Variants in SPAG17 observed in about 807,000 individuals in gnomAD.
SPAG17 encodes sperm associated antigen 17, also known as sperm-associated antigen 17.
A neutral mutation model predicts 273.6 loss-of-function variants in SPAG17; 169 were observed. The observed-to-expected ratio is 0.62, with a 90% CI of 0.55 to 0.70. SPAG17 has a LOEUF of 0.70. SPAG17 is among the 30% of genes least tolerant of loss of function. The pLI is 0.00. For synonymous variants in SPAG17, 825 were observed against 873.2 expected (o/e 0.94, Z 0.97); for missense variants, 2,557 against 2,627.8 (o/e 0.97, Z 0.59).
intron 3 of SPAG17, among the ~76,000 whole-genome samples, chr1:118,123,843 G>C (rs1427041666): frequency 6.6e-6 from 1 of 152,162 alleles, no homozygotes. Context: ...GGGGCTGTAA[G>C]GAAGTTTCAG....
At position 118,036,794 on chromosome 1, in the gene SPAG17, A is replaced by G. The variant is rs560899535; in HGVS notation, c.3409T>C (p.Tyr1137His). Residue 1137 changes from tyrosine (Y) to histidine (H), a missense_variant, in exon 24 of 49, where the codon TAT becomes CAT. Coordinates refer to ENST00000336338, the MANE Select transcript of SPAG17 (RefSeq NM_206996.4). The stretch of plus-strand genomic sequence containing the variant: ...CCTGGTGCCATTCCATTTGATCCAT[A>G]GTAACTTATCGAGAGGCAGATTCCA... ...ENGICLSISY[Y>H]GSNGMAPEDK... The G allele has an allele frequency of 6.4e-7, 1 of 1,556,158 alleles. No individual in the cohort carries two copies.
rs376616445 is a variant in SPAG17 at position 118,099,799 on chromosome 1, G to A, written c.636C>T (p.Asp212=). 53 of 1,611,338 alleles carry A rather than the reference G, an allele frequency of 3.3e-5. No homozygotes were observed. The highest frequency in any genetic ancestry group is 1.1e-4 in the South Asian group (10 of 90,948). Residue 212 remains aspartate (D), a splice_region_variant and synonymous_variant, in exon 6 of 49, where the codon GAC becomes GAT. Coordinates refer to ENST00000336338, the MANE Select transcript of SPAG17 (RefSeq NM_206996.4). ...GEDDHTNRYI[D]DEPDDGAQHY... is the part of the protein sequence containing the mutation. Reference sequence around the variant, plus strand: ...GTTGGGCACCATCATCTGGCTCATCGTCTGTTCAAAATACCATAAAGAAGA... The same window carrying A: ...GTTGGGCACCATCATCTGGCTCATCATCTGTTCAAAATACCATAAAGAAGA...
chr1:118,125,195 T>C (rs115159272), intron 3 of SPAG17, among the ~76,000 whole-genome samples: 3 of 151,378 alleles, frequency 2.0e-5, no homozygotes, highest in Non-Finnish European at 4.4e-5. Flanking sequence ...CACATATCAA[T>C]TTTTTAAAAA....
intron 7 of SPAG17, 63 bp downstream of exon 7, chr1:118,097,607 G>A (rs1199340183): frequency 7.6e-7 from 1 of 1,320,180 alleles, no homozygotes; most frequent in African/African-American, 1.5e-5. Context: ...TGAATAAATG[G>A]AGCAAATAGA....
chr1:117,972,389 A>G lies in SPAG17; in HGVS notation c.6142-342T>C, dbSNP rs572423633. Reference sequence around the variant, plus strand: ...AGCTTCCATCAGAATCTCCTGGAGGACTCATAAATACACAGATTGCTGACT... The same window carrying G: ...AGCTTCCATCAGAATCTCCTGGAGGGCTCATAAATACACAGATTGCTGACT... On this transcript the variant is annotated intron_variant, in intron 44 of 48. Coordinates refer to ENST00000336338, the MANE Select transcript of SPAG17 (RefSeq NM_206996.4). Among the ~76,000 whole-genome samples the G allele has an allele frequency of 2.6e-5, 4 of 152,306 alleles. No individual in the cohort carries two copies. In the East Asian group the frequency reaches 7.7e-4, roughly 29 times the overall value.
At chr1:118,106,107 A>C (rs1656380506) in intron 4 of SPAG17, among the ~76,000 whole-genome samples, 1 of 152,198 alleles carries the variant, frequency 6.6e-6, no homozygotes, top group African/African-American at 2.4e-5. Context: ...GTCTACAGGG[A>C]GAAAACTTTC....
intron 25 of SPAG17, 53 bp downstream of exon 25, chr1:118,031,639 G>A: frequency 6.3e-7 from 1 of 1,577,654 alleles, no homozygotes; most frequent in Non-Finnish European, 8.7e-7. Context: ...TTTTAAAAAA[G>A]TTAACACTGA....
Position 118,008,213 on chromosome 1 carries a change from A to T in SPAG17, c.4433-15T>A. 6.2e-7 allele frequency: 1 copy of T among 1,613,138 alleles called. No individual in the cohort carries two copies. Among genetic ancestry groups the T allele is most frequent in the Non-Finnish European group, 8.5e-7 (1 of 1,179,712 alleles). ...AGGACCCTCGGCTACAAGCAAATGC[A>T]AGGTAAGCAGATCTGATAGGATGTA... On this transcript the variant is annotated splice_polypyrimidine_tract_variant and intron_variant, in intron 30 of 48. Coordinates refer to ENST00000336338, the MANE Select transcript of SPAG17 (RefSeq NM_206996.4).
chr1:118,110,585 A>T (rs1656699826), intron 4 of SPAG17, among the ~76,000 whole-genome samples: 1 of 152,190 alleles, frequency 6.6e-6, no homozygotes, highest in Admixed American at 6.5e-5. Context: ...CGTGGGGGGC[A>T]GGACTGGAAA....
In SPAG17 at chr1:118,023,414, A is replaced by G. The variant is rs922394054; in HGVS notation, c.3959T>C (p.Ile1320Thr). 9.3e-6 allele frequency: 15 copies of G among 1,612,028 alleles called. No individual in the cohort carries two copies. Among genetic ancestry groups the G allele is most frequent in the Non-Finnish European group, 1.2e-5 (14 of 1,178,620 alleles). ...TGCTGGCATTTCAGAAGGAGGACAA[A>G]TAAGACCTGAATTGGGACTCCTGCT... ...AVSRSPNSGL[I>T]CPPSEMPATP... The change falls in exon 28 of 49, where the codon ATT (isoleucine) becomes ACT (threonine). Residue 1320 changes from isoleucine to threonine, a missense_variant. By Grantham distance (89) the Ile-to-Thr change is moderately conservative. Coordinates refer to ENST00000336338, the MANE Select transcript of SPAG17 (RefSeq NM_206996.4).
At chr1:118,006,147 G>A (rs1034590185) in intron 31 of SPAG17, among the ~76,000 whole-genome samples, 1 of 152,194 alleles carries the variant, frequency 6.6e-6, no homozygotes, top group African/African-American at 2.4e-5. Context: ...CTTTAAAAGT[G>A]TATAATTCCG....
intron 3 of SPAG17, among the ~76,000 whole-genome samples, chr1:118,143,677 G>C (rs892138566): frequency 1.3e-5 from 2 of 152,176 alleles, no homozygotes; most frequent in African/African-American, 4.8e-5. Context: ...ATTTTTCACA[G>C]TTTTAAATAC....
At chr1:118,099,857 C>T (rs1655950561) in intron 5 of SPAG17, 57 bp from the exon 6 acceptor site, 3 of 1,511,576 alleles carry the variant, frequency 2.0e-6, no homozygotes, top group Non-Finnish European at 2.7e-6. Context: ...GCAGGTTGCA[C>T]TCAGCCAGTT....
At chr1:117,985,514 A>G (rs187688157) in intron 40 of SPAG17, among the ~76,000 whole-genome samples, 7 of 152,204 alleles carry the variant, frequency 4.6e-5, no homozygotes, top group Non-Finnish European at 8.8e-5. Context: ...ATGATGTACT[A>G]AGAATGATGG....
rs1439519908 is a variant in SPAG17 at position 118,015,973 on chromosome 1, T to C, written c.4279A>G (p.Asn1427Asp). ...ACAATAGTTTGTCATACCGTTCCAT[T>C]GACAGGATCTGTGGCCTGAAAGGAT... is the stretch of plus-strand genomic sequence containing the variant. Reference protein sequence around the residue: ...LLSFQATDPVNGTVMTTREDK... With the variant: ...LLSFQATDPVDGTVMTTREDK... The change falls in exon 29 of 49, where the codon AAT becomes GAT. Residue 1427 changes from asparagine to aspartate, a missense_variant. Coordinates refer to ENST00000336338, the MANE Select transcript of SPAG17 (RefSeq NM_206996.4). 2 of 1,613,878 alleles carry C rather than the reference T, an allele frequency of 1.2e-6. No individual in the cohort carries two copies. The highest frequency in any genetic ancestry group is 1.7e-6 in the Non-Finnish European group (2 of 1,179,852).
chr1:118,161,266 C>T (rs1659897310), intron 1 of SPAG17, among the ~76,000 whole-genome samples: 1 of 152,178 alleles, frequency 6.6e-6, no homozygotes, highest in African/African-American at 2.4e-5. Context: ...TGCAGTAATC[C>T]TGACTTCTCC....
chr1:118,029,551 T>C (rs1165154165), intron 25 of SPAG17, among the ~76,000 whole-genome samples: 1 of 152,200 alleles, frequency 6.6e-6, no homozygotes, highest in Non-Finnish European at 1.5e-5. Context: ...ATGAAAGTAA[T>C]AAAAATAAAA....
intron 28 of SPAG17, among the ~76,000 whole-genome samples, chr1:118,020,437 G>GA (rs970563366): frequency 7.8e-4 from 92 of 118,632 alleles, no homozygotes; most frequent in South Asian, 7.8e-4. Flanking sequence ...TGTGTCTCAA[G>GA]AAAAAAAAAA....
At position 117,966,764 on chromosome 1, in the gene SPAG17, C is replaced by T. The variant is rs1653904645; in HGVS notation, c.6388-11G>A. The T allele has an allele frequency of 1.2e-6, 2 of 1,602,024 alleles. No individual in the cohort carries two copies. Among genetic ancestry groups the T allele is most frequent in the East Asian group, 2.2e-5 (1 of 44,682 alleles). ...CATACCAGCTGCCACCTATAAGACACAAGGTAGCTTTAGGACCAGACAACT... is the reference window on the plus strand; with the variant it reads ...CATACCAGCTGCCACCTATAAGACATAAGGTAGCTTTAGGACCAGACAACT... On this transcript the variant is annotated splice_polypyrimidine_tract_variant and intron_variant, in intron 46 of 48. Transcript: ENST00000336338.
Sources: gnomAD v4.1 joint callset for allele counts (sites outside exome capture counted in the v4.1 genomes callset) on GRCh38, gnomAD v4.1.1 for gene constraint, MANE v1.5 for transcripts, NCBI Gene and HGNC (gene_info 2026-07-23, HGNC 2026-07-21) for gene names.